TNRC6A: variants seen among roughly 807,000 people sequenced by gnomAD.
TNRC6A encodes the protein trinucleotide repeat-containing gene 6A protein.
Under a neutral mutation model 221.2 loss-of-function variants are expected in TNRC6A, and 44 were observed. The ratio of observed to expected loss-of-function variants is 0.20; its 90% confidence interval spans 0.16 to 0.26. TNRC6A has a LOEUF of 0.26. TNRC6A is among the 10% of genes least tolerant of loss of function. The probability of loss-of-function intolerance (pLI) is 1.00; values close to 1 mark genes in which losing one functional copy is unlikely to be tolerated. For missense variants in TNRC6A, 2,199 were observed against 2,404.4 expected, an observed-to-expected ratio of 0.91 and a Z score of 1.79; for synonymous variants, 847 against 838.5, an observed-to-expected ratio of 1.01 and a Z score of -0.18.
At chr16:24,736,160 ACT>A (rs2056762713) in intron 2 of TNRC6A, among the ~76,000 whole-genome samples, 1 of 152,190 alleles carries the variant, frequency 6.6e-6, no homozygotes, top group South Asian at 2.1e-4. Context: ...CAAAAGCAAA[ACT>A]CTGTCTCAAA....
intron 12 of TNRC6A, 184 bp downstream of exon 12, chr16:24,804,503 T>C: frequency 9.1e-7 from 1 of 1,103,422 alleles, no homozygotes; most frequent in Non-Finnish European, 1.3e-6. Context: ...GTTGCATTTA[T>C]ATTTTTCTTC....
intron 1 of TNRC6A, among the ~76,000 whole-genome samples, chr16:24,626,736 G>C (rs1378295097): frequency 6.9e-6 from 1 of 144,394 alleles, no homozygotes; most frequent in Non-Finnish European, 1.5e-5. Flanking sequence ...TGCAAGCTCC[G>C]CCTCCCGGGT....
At chr16:24,749,768 T>C (rs187383409) in intron 2 of TNRC6A, among the ~76,000 whole-genome samples, 12 of 152,220 alleles carry the variant, frequency 7.9e-5, no homozygotes, top group African/African-American at 2.4e-4. Context: ...GTCTGTCACT[T>C]TGAAATCCTG....
chr16:24,820,026 G>C lies in TNRC6A; in HGVS notation c.5081-113G>C. ...AGTTTAGTTGATTTGGGGTTTTAAA[G>C]TTTCTTTTGTTTGTTAGATTTGCTT... On this transcript the variant is annotated intron_variant, in intron 21 of 24. Transcript: ENST00000395799. 15 of 1,005,334 alleles carry C rather than the reference G, an allele frequency of 1.5e-5. No homozygotes were observed. The South Asian group carries it at 2.3e-4, about 15-fold the overall frequency. 62.3% of individuals were successfully genotyped at this position (1,005,334 alleles called of 1,614,324 possible).
At chr16:24,722,129 C>G (rs2056420085) in intron 2 of TNRC6A, among the ~76,000 whole-genome samples, 1 of 152,140 alleles carries the variant, frequency 6.6e-6, no homozygotes, top group South Asian at 2.1e-4. Context: ...TTACATTTTT[C>G]ACTTTAAAAG....
chr16:24,791,240 G>C lies in TNRC6A; in HGVS notation c.2598G>C (p.Trp866Cys). 6.2e-7 allele frequency: 1 copy of C among 1,614,192 alleles called. No homozygotes were observed. Among genetic ancestry groups the C allele is most frequent in the South Asian group, 1.1e-5 (1 of 91,088 alleles). ...NWGETSRNNH[W>C]GEANKKSSSG... The stretch of plus-strand genomic sequence containing the variant: ...GAGAAACTTCAAGGAATAACCATTG[G>C]GGTGAGGCCAATAAGAAATCCAGCT... Residue 866 changes from tryptophan (W) to cysteine (C), a missense_variant, in exon 6 of 25, where the codon TGG becomes TGC. This residue lies in a region of TNRC6A where 1,405 missense variants were observed against 1,400.2 expected (regional missense o/e 1.00). Transcript: ENST00000395799.
chr16:24,653,920 G>T (rs1902809121), intron 2 of TNRC6A, among the ~76,000 whole-genome samples: 1 of 152,048 alleles, frequency 6.6e-6, no homozygotes, highest in South Asian at 2.1e-4. Context: ...TTTTTGGCAG[G>T]GGCAGACCAA....
chr16:24,701,799 A>G (rs2055982988), intron 2 of TNRC6A, among the ~76,000 whole-genome samples: 1 of 152,136 alleles, frequency 6.6e-6, no homozygotes, highest in Non-Finnish European at 1.5e-5. Flanking sequence ...TGCACCATCA[A>G]CTAATTGGTA....
chr16:24,812,901 T>TTTC (rs2058577246), intron 18 of TNRC6A, among the ~76,000 whole-genome samples: 1 of 148,540 alleles, frequency 6.7e-6, no homozygotes, highest in African/African-American at 2.5e-5. Context: ...TTTTTTTTTT[T>TTTC]TGAGACCCCA....
intron 4 of TNRC6A, among the ~76,000 whole-genome samples, chr16:24,771,308 G>A (rs992170706): frequency 6.6e-6 from 1 of 152,082 alleles, no homozygotes; most frequent in East Asian, 1.9e-4. Flanking sequence ...CAAAACATTC[G>A]AGATGTGAGT....
intron 2 of TNRC6A, among the ~76,000 whole-genome samples, chr16:24,675,696 CTCTCTCTATA>C (rs1478476448): frequency 1.9e-3 from 146 of 75,978 alleles, no homozygotes; most frequent in African/African-American, 4.2e-3. Flanking sequence ...CTCTCTCTCT[CTCTCTCTATA>C]TATATATATA....
At chr16:24,735,859 C>A (rs2056754943) in intron 2 of TNRC6A, among the ~76,000 whole-genome samples, 1 of 152,134 alleles carries the variant, frequency 6.6e-6, no homozygotes, top group South Asian at 2.1e-4. Context: ...AAATCCCTAT[C>A]TCATTTTAAA....
chr16:24,655,689 C>CA (rs199874841), intron 2 of TNRC6A, among the ~76,000 whole-genome samples: 9,090 of 144,698 alleles, frequency 0.063, 656 homozygotes, highest in African/African-American at 0.18. Flanking sequence ...AATTCTGTCT[C>CA]AAAAAAAAAA....
intron 2 of TNRC6A, among the ~76,000 whole-genome samples, chr16:24,735,715 TA>T (rs764263364): frequency 2.0e-5 from 3 of 152,230 alleles, no homozygotes; most frequent in Admixed American, 6.5e-5. Context: ...TCTGAAAGTA[TA>T]AATTGCAAAA....
chr16:24,611,497 A>T (rs1006901800), intron 1 of TNRC6A, among the ~76,000 whole-genome samples: 4 of 152,064 alleles, frequency 2.6e-5, no homozygotes, highest in African/African-American at 9.7e-5. Context: ...TCAGGAGACA[A>T]GGCACTCGGA....
At position 24,741,534 on chromosome 16, in the gene TNRC6A, G is replaced by C. The variant is rs955948598; in HGVS notation, c.54-9192G>C. Among the ~76,000 whole-genome samples the C allele has an allele frequency of 3.0e-4, 46 of 152,052 alleles. 1 individual carries two copies. The highest frequency in any genetic ancestry group is 3.0e-3 in the Admixed American group (46 of 15,238). On this transcript the variant is annotated intron_variant, in intron 2 of 24. Coordinates refer to ENST00000395799, the MANE Select transcript of TNRC6A (RefSeq NM_014494.4). ...TGGTTTGTTAGTCTTTTGTTGAGGA[G>C]TTTTATGTTTGTATTCATAAGGGTT...
chr16:24,678,567 T>C lies in TNRC6A; in HGVS notation n.402+37558T>C, dbSNP rs568611302. Among the ~76,000 whole-genome samples, 6 of 152,278 alleles carry C rather than the reference T, an allele frequency of 3.9e-5. No individual in the cohort carries two copies. In the South Asian group the frequency reaches 1.2e-3, roughly 32 times the overall value. ...AGAAGCGGATTCTCCCAGCCAGGCA[T>C]GGTGGCGCATGCCTGTAGCCCCAGC... On this transcript the variant is annotated intron_variant and non_coding_transcript_variant, in intron 2 of 2. Transcript: ENST00000566108.
rs2058033153 is a variant in TNRC6A at position 24,788,909 on chromosome 16, GA to G, written c.590-322del. ...GTGATCCACCCACCTCGGCCTTCCA[GA>G]GTGCTGGGATTACAAGCGTGAGCCA... On this transcript the variant is annotated intron_variant, in intron 5 of 24. Coordinates refer to ENST00000395799, the MANE Select transcript of TNRC6A (RefSeq NM_014494.4). Among the ~76,000 whole-genome samples, 5 of 152,252 alleles carry G rather than the reference GA, an allele frequency of 3.3e-5. No individual in the cohort carries two copies. In the East Asian group the frequency reaches 9.6e-4, roughly 29 times the overall value.
chr16:24,693,330 G>T (rs11074648), intron 2 of TNRC6A, among the ~76,000 whole-genome samples: 10,033 of 152,000 alleles, frequency 0.066, 813 homozygotes, highest in East Asian at 0.32. Context: ...CTCACGCCTG[G>T]AATCCCAGCT....
Sources: gnomAD v4.1 joint callset for allele counts (sites outside exome capture counted in the v4.1 genomes callset) on GRCh38, gnomAD v4.1.1 for gene constraint, gnomAD v4.1.1 regional missense constraint, MANE v1.5 for transcripts, NCBI Gene and HGNC (gene_info 2026-07-23, HGNC 2026-07-21) for gene names.